DCAF1: variants seen among roughly 807,000 people sequenced by gnomAD.
The protein encoded by DCAF1 is DDB1- and CUL4-associated factor 1.
DCAF1 carries 15 observed loss-of-function variants against 128.0 expected under a neutral mutation model. The observed-to-expected ratio is 0.12, with a 90% CI of 0.08 to 0.18. The LOEUF (loss-of-function observed/expected upper bound fraction) is 0.18. DCAF1 is among the 10% of genes least tolerant of loss of function. The pLI is 1.00. For synonymous variants in DCAF1, 610 were observed against 603.0 expected (o/e 1.01, Z -0.17); for missense variants, 988 against 1,649.5 (o/e 0.60, Z 6.95).
chr3:51,463,603 C>G (rs1703832639), intron 5 of DCAF1, among the ~76,000 whole-genome samples: 1 of 151,826 alleles, frequency 6.6e-6, no homozygotes, highest in East Asian at 1.9e-4. Flanking sequence ...GACAACACGG[C>G]AAAACCCCAT....
At chr3:51,443,324 C>A (rs1701541162) in intron 7 of DCAF1, among the ~76,000 whole-genome samples, 1 of 152,130 alleles carries the variant, frequency 6.6e-6, no homozygotes, top group Admixed American at 6.6e-5. Flanking sequence ...GACACGGTGG[C>A]TCACGCTTGT....
At chr3:51,397,415 C>T (rs2089273491), downstream of DCAF1, 1 of 167,096 alleles carries the variant, frequency 6.0e-6, no homozygotes, top group Admixed American at 6.5e-5. Context: ...CTGTCACAAT[C>T]CCTTTCAGAA....
intron 23 of DCAF1, among the ~76,000 whole-genome samples, chr3:51,404,388 AC>A (rs1298179121): frequency 2.0e-5 from 3 of 152,232 alleles, no homozygotes; most frequent in African/African-American, 7.2e-5. Context: ...CAACGTAAGC[AC>A]AAAAAAATTT....
At chr3:51,491,828 G>A (rs1376800521) in intron 2 of DCAF1, among the ~76,000 whole-genome samples, 6 of 151,978 alleles carry the variant, frequency 3.9e-5, no homozygotes, top group African/African-American at 1.5e-4. Flanking sequence ...CTGGGCGACA[G>A]AGCAAGACTC....
intron 6 of DCAF1, among the ~76,000 whole-genome samples, chr3:51,454,523 G>A (rs1192999940): frequency 2.0e-5 from 3 of 152,022 alleles, no homozygotes; most frequent in East Asian, 1.9e-4. Flanking sequence ...CACCACACCC[G>A]GCTAATTTTT....
intron 1 of DCAF1, among the ~76,000 whole-genome samples, chr3:51,498,319 C>T (rs1328553276): frequency 2.7e-5 from 4 of 148,058 alleles, no homozygotes; most frequent in South Asian, 4.2e-4. Flanking sequence ...AAGATCGCGC[C>T]ACTGCACTCT....
At chr3:51,466,583 C>T (rs1704151519) in intron 5 of DCAF1, among the ~76,000 whole-genome samples, 1 of 152,062 alleles carries the variant, frequency 6.6e-6, no homozygotes, top group South Asian at 2.1e-4. Flanking sequence ...AATTCAAAAT[C>T]ATTTTGCCCA....
At chr3:51,499,550 G>A (rs987992053) in intron 1 of DCAF1, among the ~76,000 whole-genome samples, 4 of 152,048 alleles carry the variant, frequency 2.6e-5, no homozygotes, top group Non-Finnish European at 5.9e-5. Context: ...CAAGGGAAAT[G>A]AAATGCGCCC....
chr3:51,406,619 C>T (rs576432255), intron 23 of DCAF1, among the ~76,000 whole-genome samples: 2 of 152,252 alleles, frequency 1.3e-5, no homozygotes, highest in East Asian at 3.9e-4. Context: ...AAACAACTCA[C>T]CCCTTTCCTT....
At chr3:51,493,081 T>C (rs1326485301) in intron 2 of DCAF1, among the ~76,000 whole-genome samples, 1 of 149,896 alleles carries the variant, frequency 6.7e-6, no homozygotes, top group Non-Finnish European at 1.5e-5. Flanking sequence ...AGTTGCAGGT[T>C]TTTTTTTTTA....
At position 51,451,461 on chromosome 3, in the gene DCAF1, T is replaced by A. The variant is rs1001171749; in HGVS notation, c.376-7558A>T. 3.3e-5 allele frequency among the ~76,000 whole-genome samples: 5 copies of A among 151,914 alleles called. No individual in the cohort carries two copies. In the East Asian group the frequency reaches 9.7e-4, roughly 29 times the overall value. On this transcript the variant is annotated intron_variant, in intron 6 of 24. Coordinates refer to ENST00000684031, the MANE Select transcript of DCAF1 (RefSeq NM_001387579.1). ...ATGAGACTCTGTGTCTATTTTTTCG[T>A]ATATATTTAAAAAATAAAAATAAAT...
chr3:51,493,598 A>T (rs1439065174), intron 2 of DCAF1, among the ~76,000 whole-genome samples: 2 of 152,216 alleles, frequency 1.3e-5, no homozygotes, highest in Non-Finnish European at 2.9e-5. Flanking sequence ...TGGAATATTC[A>T]GTCATAGAAA....
At chr3:51,426,969 G>A (rs1221600882) in intron 13 of DCAF1, among the ~76,000 whole-genome samples, 4 of 152,144 alleles carry the variant, frequency 2.6e-5, no homozygotes, top group African/African-American at 4.8e-5. Context: ...AATTCCAAGA[G>A]TAAAAGGACA....
chr3:51,493,223 A>G (rs1394758613), intron 2 of DCAF1, among the ~76,000 whole-genome samples: 1 of 151,930 alleles, frequency 6.6e-6, no homozygotes, highest in African/African-American at 2.4e-5. Flanking sequence ...AGGCGGGCAG[A>G]TCTCCTGAGG....
intron 18 of DCAF1, among the ~76,000 whole-genome samples, chr3:51,415,790 T>G (rs1218768446): frequency 6.6e-6 from 1 of 151,976 alleles, no homozygotes; most frequent in Non-Finnish European, 1.5e-5. Context: ...GGGGGGAGTC[T>G]CTCTATGTTG....
chr3:51,459,970 G>GGAA lies in DCAF1; in HGVS notation c.375+3141_375+3143dup, dbSNP rs577611127. The stretch of plus-strand genomic sequence containing the variant: ...ATATCATACTGAATGGGCAAAAACT[G>GGAA]GAAGCATTCCCTTTGAAAACGGGCA... On this transcript the variant is annotated intron_variant, in intron 6 of 24. Coordinates refer to ENST00000684031, the MANE Select transcript of DCAF1 (RefSeq NM_001387579.1). 1.6e-3 allele frequency among the ~76,000 whole-genome samples: 245 copies of GGAA among 152,202 alleles called. 1 individual carries two copies. Among genetic ancestry groups the GGAA allele is most frequent in the African/African-American group, 5.1e-3 (211 of 41,528 alleles).
chr3:51,502,322 CAGG>C (rs1708840108), upstream of DCAF1, among the ~76,000 whole-genome samples: 1 of 152,118 alleles, frequency 6.6e-6, no homozygotes, highest in Non-Finnish European at 1.5e-5. Context: ...CTCTTGATCC[CAGG>C]AGTTCAAGAC....
rs782393398 is a variant in DCAF1 at position 51,412,497 on chromosome 3, A to G, written c.4111-17T>C. 1 of 1,613,710 alleles carries G rather than the reference A, an allele frequency of 6.2e-7. No homozygotes were observed. The highest frequency in any genetic ancestry group is 1.1e-5 in the South Asian group (1 of 91,076). ...GCCTTGATTCTGAAATAGAACATCC[A>G]GTCCATAAGGAGCAGTTACTTTTCA... On this transcript the variant is annotated splice_polypyrimidine_tract_variant and intron_variant, in intron 22 of 24. Coordinates refer to ENST00000684031, the MANE Select transcript of DCAF1 (RefSeq NM_001387579.1).
chr3:51,457,506 A>G lies in DCAF1; in HGVS notation c.375+5608T>C, dbSNP rs532214401. 6.1e-3 allele frequency among the ~76,000 whole-genome samples: 928 copies of G among 152,330 alleles called. 17 individuals carry two copies. The highest frequency in any genetic ancestry group is 0.021 in the African/African-American group (864 of 41,572). ...AACACTCTGCAGGATATTATCCAGG[A>G]GAACTTCCCCAATCTAGCAAGGCAG... is the stretch of plus-strand genomic sequence containing the variant. On this transcript the variant is annotated intron_variant, in intron 6 of 24. Transcript: ENST00000684031.
Sources: allele counts gnomAD v4.1 joint callset (sites outside exome capture counted in the v4.1 genomes callset), GRCh38; gene constraint gnomAD v4.1.1; transcripts MANE v1.5; gene names NCBI Gene and HGNC (gene_info 2026-07-23, HGNC 2026-07-21).